Variants in ADCY9 observed in about 807,000 individuals in gnomAD.
The protein encoded by ADCY9 is adenylate cyclase 9.
A neutral mutation model predicts 101.5 loss-of-function variants in ADCY9; 50 were observed. That is an observed-to-expected ratio of 0.49 (90% confidence interval 0.39 to 0.62). ADCY9 has a LOEUF of 0.62. Ranked by LOEUF, ADCY9 falls within the 20% of genes least tolerant of loss-of-function variation. The pLI, the probability that ADCY9 is intolerant of heterozygous loss-of-function variation, is 0.00. For synonymous variants in ADCY9, 905 were observed against 769.3 expected, an observed-to-expected ratio of 1.18 and a Z score of -2.92; for missense variants, 1,662 against 1,800.4, an observed-to-expected ratio of 0.92 and a Z score of 1.39.
intron 4 of ADCY9, 110 bp downstream of exon 4, chr16:3,993,296 A>C (rs1447984533): frequency 6.6e-7 from 1 of 1,524,926 alleles, no homozygotes; most frequent in African/African-American, 1.4e-5. Flanking sequence ...GAGTGCTGTT[A>C]CCCAAGAGGA....
chr16:4,076,768 G>T (rs2056869823), intron 2 of ADCY9, among the ~76,000 whole-genome samples: 1 of 152,130 alleles, frequency 6.6e-6, no homozygotes. Context: ...AGGCTGCAGT[G>T]CATCAATAAT....
chr16:3,994,039 G>C (rs2056268592), intron 3 of ADCY9, among the ~76,000 whole-genome samples: 1 of 152,178 alleles, frequency 6.6e-6, no homozygotes, highest in Non-Finnish European at 1.5e-5. Flanking sequence ...TCGAATGTTT[G>C]TGCCCCCTCA....
At chr16:3,994,811 G>A (rs2056274541) in intron 3 of ADCY9, among the ~76,000 whole-genome samples, 1 of 152,172 alleles carries the variant, frequency 6.6e-6, no homozygotes, top group Non-Finnish European at 1.5e-5. Context: ...CTGTTATTAA[G>A]TAAAGAAACT....
intron 6 of ADCY9, among the ~76,000 whole-genome samples, chr16:3,985,651 C>T (rs931579915): frequency 3.9e-5 from 6 of 152,176 alleles, no homozygotes; most frequent in Non-Finnish European, 8.8e-5. Context: ...GAGCCCACAC[C>T]TCCCACCTTC....
In ADCY9 at chr16:4,070,039, A is replaced by C. The variant is rs1159574608; in HGVS notation, c.1693+43711T>G. 2.0e-5 allele frequency among the ~76,000 whole-genome samples: 3 copies of C among 152,178 alleles called. No homozygotes were observed. In the East Asian group the frequency reaches 5.8e-4, roughly 29 times the overall value. ...CTTGAACCCGGGAGGCAAAGGTTGCAGTGAGTTAAGATTGCGCTACTGCAC... is the reference window on the plus strand; with the variant it reads ...CTTGAACCCGGGAGGCAAAGGTTGCCGTGAGTTAAGATTGCGCTACTGCAC... On this transcript the variant is annotated intron_variant, in intron 2 of 10. Transcript: ENST00000294016.
At chr16:4,043,346 A>G (rs2056640634) in intron 2 of ADCY9, among the ~76,000 whole-genome samples, 1 of 152,062 alleles carries the variant, frequency 6.6e-6, no homozygotes, top group African/African-American at 2.4e-5. Flanking sequence ...ACACCACTGG[A>G]GCAAAATCAG....
intron 2 of ADCY9, among the ~76,000 whole-genome samples, chr16:4,050,267 T>C (rs12103309): frequency 4.6e-5 from 7 of 151,994 alleles, no homozygotes; most frequent in Non-Finnish European, 1.5e-5. Context: ...AACAAACCAT[T>C]TGACTTGGAT....
chr16:4,013,106 G>T (rs1260125524), intron 2 of ADCY9, among the ~76,000 whole-genome samples: 1 of 152,058 alleles, frequency 6.6e-6, no homozygotes, highest in Non-Finnish European at 1.5e-5. Context: ...TTAAAAATCA[G>T]CTGGGTGTGG....
intron 2 of ADCY9, among the ~76,000 whole-genome samples, chr16:4,067,790 C>G (rs1437901005): frequency 6.6e-6 from 1 of 152,160 alleles, no homozygotes; most frequent in Non-Finnish European, 1.5e-5. Flanking sequence ...CACTTTGCCA[C>G]TGTAGCTAAT....
intron 2 of ADCY9, among the ~76,000 whole-genome samples, chr16:4,073,529 G>A (rs183447761): frequency 9.2e-5 from 14 of 152,032 alleles, no homozygotes; most frequent in Admixed American, 3.3e-4. Context: ...CCAAGTAGCT[G>A]GGATGACAGG....
intron 2 of ADCY9, among the ~76,000 whole-genome samples, chr16:4,026,942 C>A (rs1248970206): frequency 1.3e-5 from 2 of 152,188 alleles, no homozygotes; most frequent in Non-Finnish European, 2.9e-5. Flanking sequence ...TCCCTTTGCA[C>A]CTCGTGGCAG....
intron 2 of ADCY9, among the ~76,000 whole-genome samples, chr16:4,075,753 G>A (rs1214959398): frequency 6.6e-5 from 10 of 152,164 alleles, no homozygotes; most frequent in African/African-American, 2.4e-4. Flanking sequence ...CAGCGGGGGG[G>A]CCAGGCGGGA....
At chr16:4,012,535 T>C (rs1376314275) in intron 2 of ADCY9, among the ~76,000 whole-genome samples, 10 of 150,818 alleles carry the variant, frequency 6.6e-5, no homozygotes, top group Admixed American at 6.6e-4. Flanking sequence ...GAATAATTAA[T>C]ATGATTTCTT....
intron 2 of ADCY9, among the ~76,000 whole-genome samples, chr16:4,020,871 C>T (rs71388556): frequency 0.052 from 7,808 of 149,372 alleles, 261 homozygotes; most frequent in Non-Finnish European, 0.082. Context: ...CTCTATCGAA[C>T]AAAATAGCAG....
chr16:3,999,333 G>A (rs2056314182), intron 3 of ADCY9, among the ~76,000 whole-genome samples: 1 of 152,162 alleles, frequency 6.6e-6, no homozygotes, highest in African/African-American at 2.4e-5. Flanking sequence ...CCCCATCCAC[G>A]CAATATCTGC....
intron 2 of ADCY9, among the ~76,000 whole-genome samples, chr16:4,066,531 T>C (rs553116768): frequency 9.9e-5 from 15 of 152,200 alleles, no homozygotes; most frequent in South Asian, 2.1e-4. Context: ...GGACCAAAGA[T>C]GCATGTCACC....
At chr16:4,042,750 C>T (rs1017427531) in intron 2 of ADCY9, among the ~76,000 whole-genome samples, 8 of 152,184 alleles carry the variant, frequency 5.3e-5, no homozygotes, top group African/African-American at 1.4e-4. Context: ...AGCCACCTGG[C>T]GAACTCTGTG....
intron 2 of ADCY9, among the ~76,000 whole-genome samples, chr16:4,055,970 G>A (rs1055849894): frequency 2.6e-5 from 4 of 152,176 alleles, no homozygotes; most frequent in Non-Finnish European, 5.9e-5. Flanking sequence ...GCAACGACTG[G>A]GTGACTGCGC....
intron 2 of ADCY9, among the ~76,000 whole-genome samples, chr16:4,039,290 C>T (rs1040813242): frequency 1.3e-5 from 2 of 152,158 alleles, no homozygotes; most frequent in Non-Finnish European, 2.9e-5. Flanking sequence ...GTGTTACACG[C>T]CCTCATGCCG....
Sources: allele counts gnomAD v4.1 joint callset (sites outside exome capture counted in the v4.1 genomes callset), GRCh38; gene constraint gnomAD v4.1.1; transcripts MANE v1.5; gene names NCBI Gene and HGNC (gene_info 2026-07-23, HGNC 2026-07-21).